SPTBN1: variants seen among roughly 807,000 people sequenced by gnomAD.
SPTBN1 encodes spectrin beta, non-erythrocytic 1.
In SPTBN1, 32 loss-of-function variants were observed where a neutral mutation model predicts 266.4. The observed-to-expected ratio is 0.12, with a 90% CI of 0.09 to 0.16. The LOEUF (loss-of-function observed/expected upper bound fraction) is 0.16. Among genes scored for constraint, SPTBN1 ranks in the 10% least tolerant of loss-of-function variants. The pLI, the probability that SPTBN1 is intolerant of heterozygous loss-of-function variation, is 1.00. For synonymous variants in SPTBN1, 1,336 were observed against 1,162.2 expected, an observed-to-expected ratio of 1.15 and a Z score of -3.04; for missense variants, 2,296 against 3,067.1, an observed-to-expected ratio of 0.75 and a Z score of 5.94.
intron 1 of SPTBN1, among the ~76,000 whole-genome samples, chr2:54,520,043 G>A (rs1670343430): frequency 6.6e-6 from 1 of 152,150 alleles, no homozygotes; most frequent in Non-Finnish European, 1.5e-5. Context: ...CACCTTGCAG[G>A]GAGCAGCTGT....
intron 1 of SPTBN1, among the ~76,000 whole-genome samples, chr2:54,494,086 G>A (rs1203191817): frequency 6.6e-6 from 1 of 152,216 alleles, no homozygotes; most frequent in African/African-American, 2.4e-5. Flanking sequence ...TGAAAAGAAT[G>A]AGGTACGGTG....
chr2:54,595,492 G>A (rs892987841), intron 2 of SPTBN1, among the ~76,000 whole-genome samples: 12 of 152,342 alleles, frequency 7.9e-5, no homozygotes, highest in South Asian at 6.2e-4. Flanking sequence ...AAAGGTAAAC[G>A]GAGAATGGAA....
Position 54,653,513 on chromosome 2 carries a change from T to C in SPTBN1, c.5578-96T>C, listed in dbSNP as rs1350227186. 2.0e-6 allele frequency: 3 copies of C among 1,526,002 alleles called. No individual in the cohort carries two copies. The highest frequency in any genetic ancestry group is 2.3e-5 in the Admixed American group (1 of 44,216). The allele number at this position is 1,526,002 out of a possible 1,614,324, so 94.5% of individuals were successfully genotyped here. A position where few individuals can be genotyped will look rare whatever the true frequency, so the allele number is the denominator to read the frequency against. ...CATGGGCCATATTTTGACTCTGTGCTCCCTTTAGTGTATGAGCAGAACAGA... is the reference window on the plus strand; with the variant it reads ...CATGGGCCATATTTTGACTCTGTGCCCCCTTTAGTGTATGAGCAGAACAGA... On this transcript the variant is annotated intron_variant, in intron 26 of 35. Transcript: ENST00000356805. This position sits in a 1 kb window ranked among gnomAD's most constrained non-coding sequence, Gnocchi z 5.1.
intron 1 of SPTBN1, among the ~76,000 whole-genome samples, chr2:54,470,224 G>T (rs1461212868): frequency 6.7e-6 from 1 of 149,498 alleles, no homozygotes; most frequent in Non-Finnish European, 1.5e-5. Flanking sequence ...GACTATTCTT[G>T]TCTGTCATTT....
intron 4 of SPTBN1, among the ~76,000 whole-genome samples, chr2:54,613,310 GT>G (rs34183707): frequency 0.79 from 120,032 of 152,188 alleles, 48,119 homozygotes; most frequent in African/African-American, 0.93. Flanking sequence ...ATAAAGATCT[GT>G]TTTGATTTTT....
chr2:54,605,682 A>G (rs942951493), intron 3 of SPTBN1, among the ~76,000 whole-genome samples: 1 of 152,228 alleles, frequency 6.6e-6, no homozygotes, highest in Non-Finnish European at 1.5e-5. Context: ...ATTGTGCTTT[A>G]AAACATGTGA....
At position 54,593,794 on chromosome 2, in the gene SPTBN1, G is replaced by A. The variant is rs148879711; in HGVS notation, c.149-5298G>A. Among the ~76,000 whole-genome samples, 28 of 142,862 alleles carry A rather than the reference G, an allele frequency of 2.0e-4. No individual in the cohort carries two copies. In the East Asian group the frequency reaches 5.8e-3, roughly 30 times the overall value. The allele number at this position is 142,862 out of a possible 152,430, so 93.7% of individuals were successfully genotyped here. ...GTTAGTTAGGATGGTGAGATGGTGGGTAATTCTAAGTCTTGTATCATGGAA... is the reference window on the plus strand; with the variant it reads ...GTTAGTTAGGATGGTGAGATGGTGGATAATTCTAAGTCTTGTATCATGGAA... On this transcript the variant is annotated intron_variant, in intron 2 of 35. Transcript: ENST00000356805.
chr2:54,655,311 T>G lies in SPTBN1; in HGVS notation c.5961+103T>G, dbSNP rs535132318. 1.0e-3 allele frequency: 1,446 copies of G among 1,407,820 alleles called. 2 individuals are homozygous for G. The highest frequency in any genetic ancestry group is 1.4e-3 in the Non-Finnish European group (1,391 of 1,029,666). 87.2% of individuals were successfully genotyped at this position (1,407,820 alleles called of 1,614,324 possible). A position where few individuals can be genotyped will look rare whatever the true frequency, so the allele number is the denominator to read the frequency against. On this transcript the variant is annotated intron_variant, in intron 28 of 35. Coordinates refer to ENST00000356805, the MANE Select transcript of SPTBN1 (RefSeq NM_003128.3). ...CAGAGATACTGTGTTTACATTCTTA[T>G]ACACACACACATATGTTTTAAAACT...
At position 54,487,903 on chromosome 2, in the gene SPTBN1, C is replaced by T. The variant is rs544905324; in HGVS notation, c.-48+31385C>T. ...GGAGTGCAGTGGCACGATCTCAGCT[C>T]ACTGCAAGCTCCGCCTCCCAGGTTC... On this transcript the variant is annotated intron_variant, in intron 1 of 35. Coordinates refer to ENST00000356805, the MANE Select transcript of SPTBN1 (RefSeq NM_003128.3). Among the ~76,000 whole-genome samples the T allele has an allele frequency of 2.3e-3, 320 of 138,020 alleles. 1 individual carries two copies. The highest frequency in any genetic ancestry group is 4.3e-3 in the Middle Eastern group (1 of 230). 90.5% of individuals were successfully genotyped at this position (138,020 alleles called of 152,430 possible).
chr2:54,602,277 C>T (rs755753802), intron 3 of SPTBN1, among the ~76,000 whole-genome samples: 35 of 152,192 alleles, frequency 2.3e-4, no homozygotes, highest in Admixed American at 2.0e-4. Context: ...AGCACAGAAC[C>T]TGTGCTGGCC....
intron 2 of SPTBN1, among the ~76,000 whole-genome samples, chr2:54,571,017 G>A (rs930783021): frequency 2.0e-5 from 3 of 152,066 alleles, no homozygotes; most frequent in Non-Finnish European, 2.9e-5. Context: ...AGGTTTAAAC[G>A]ACTTGCTGTA....
chr2:54,468,960 C>T (rs1353652176), intron 1 of SPTBN1, among the ~76,000 whole-genome samples: 1 of 152,154 alleles, frequency 6.6e-6, no homozygotes, highest in Non-Finnish European at 1.5e-5. Context: ...TTTTACTGGG[C>T]TGGGTTTGGT....
At chr2:54,619,295 A>G (rs1677839720) in intron 7 of SPTBN1, among the ~76,000 whole-genome samples, 1 of 152,248 alleles carries the variant, frequency 6.6e-6, no homozygotes, top group Non-Finnish European at 1.5e-5. Flanking sequence ...TGGTTTCTCA[A>G]TATAAACAGA....
chr2:54,510,544 C>T (rs994314727), intron 1 of SPTBN1, among the ~76,000 whole-genome samples: 13 of 152,198 alleles, frequency 8.5e-5, no homozygotes, highest in South Asian at 4.1e-4. Context: ...CCCTGACATC[C>T]GGTTCATTCT....
intron 2 of SPTBN1, among the ~76,000 whole-genome samples, chr2:54,542,157 G>T (rs1671975821): frequency 6.6e-6 from 1 of 152,228 alleles, no homozygotes; most frequent in South Asian, 2.1e-4. Flanking sequence ...GTGATCGGTG[G>T]TAGAAACACA....
chr2:54,472,203 A>G (rs1693964981), intron 1 of SPTBN1, among the ~76,000 whole-genome samples: 1 of 151,368 alleles, frequency 6.6e-6, no homozygotes, highest in Non-Finnish European at 1.5e-5. Context: ...AATTTTTTGT[A>G]TTTTTAGTAG....
rs967133567 is a variant in SPTBN1 at position 54,616,111 on chromosome 2, A to G, written c.475-96A>G. 11 of 994,166 alleles carry G rather than the reference A, an allele frequency of 1.1e-5. No individual in the cohort carries two copies. In the South Asian group the frequency reaches 1.2e-4, roughly 11 times the overall value. 61.6% of individuals were successfully genotyped at this position (994,166 alleles called of 1,614,324 possible). On this transcript the variant is annotated intron_variant, in intron 4 of 35. Coordinates refer to ENST00000356805, the MANE Select transcript of SPTBN1 (RefSeq NM_003128.3). ...CGTCTGCAGGGCAAGGCTATGATCT[A>G]CAGTTTATTCTTTATGTATATGCAG...
chr2:54,535,495 A>G (rs944583781), intron 2 of SPTBN1, among the ~76,000 whole-genome samples: 3 of 152,204 alleles, frequency 2.0e-5, no homozygotes, highest in Non-Finnish European at 2.9e-5. Flanking sequence ...TGAATCATGT[A>G]ATCTGTGGCC....
At chr2:54,659,804 A>G in intron 31 of SPTBN1, 132 bp from the exon 32 acceptor site, 1 of 1,448,864 alleles carries the variant, frequency 6.9e-7, no homozygotes. Context: ...TTTCAGATTT[A>G]AAAAGAATTA....
Sources: gnomAD v4.1 joint callset for allele counts (sites outside exome capture counted in the v4.1 genomes callset) on GRCh38, gnomAD v4.1.1 for gene constraint, Gnocchi (gnomAD v3.1) non-coding constraint, MANE v1.5 for transcripts, NCBI Gene and HGNC (gene_info 2026-07-23, HGNC 2026-07-21) for gene names.